Variants in CNTN4 observed in about 807,000 individuals in gnomAD.
CNTN4 encodes the protein contactin 4.
A neutral mutation model predicts 122.5 loss-of-function variants in CNTN4; 77 were observed. The observed-to-expected ratio is 0.63, with a 90% CI of 0.52 to 0.76. The LOEUF (loss-of-function observed/expected upper bound fraction) is 0.76. Among genes scored for constraint, CNTN4 ranks in the 30% least tolerant of loss-of-function variants. CNTN4 has a pLI of 0.00. For missense variants in CNTN4, 1,256 were observed against 1,259.1 expected, an observed-to-expected ratio of 1.00 and a Z score of 0.04; for synonymous variants, 512 against 447.0, an observed-to-expected ratio of 1.15 and a Z score of -1.83.
At chr3:2,497,966 C>G (rs1371578209) in intron 3 of CNTN4, among the ~76,000 whole-genome samples, 1 of 152,042 alleles carries the variant, frequency 6.6e-6, no homozygotes, top group African/African-American at 2.4e-5. Context: ...TACCTTTCCA[C>G]CCACCCATAA....
At chr3:2,568,387 G>C (rs189287540) in intron 3 of CNTN4, among the ~76,000 whole-genome samples, 1 of 148,826 alleles carries the variant, frequency 6.7e-6, no homozygotes, top group African/African-American at 2.5e-5. Flanking sequence ...GGCTCAATGA[G>C]AGAAAGCAAT....
At chr3:3,030,267 C>T (rs1291190070) in intron 15 of CNTN4, among the ~76,000 whole-genome samples, 1 of 152,176 alleles carries the variant, frequency 6.6e-6, no homozygotes, top group Admixed American at 6.6e-5. Context: ...TAGTCCCATT[C>T]TTCTGCTAAT....
At chr3:2,302,029 A>G (rs1397413649) in intron 2 of CNTN4, among the ~76,000 whole-genome samples, 1 of 152,212 alleles carries the variant, frequency 6.6e-6, no homozygotes, top group Non-Finnish European at 1.5e-5. Flanking sequence ...TTTGTGTACA[A>G]TTCTGTCTAA....
intron 3 of CNTN4, among the ~76,000 whole-genome samples, chr3:2,399,527 A>G (rs1299519445): frequency 6.6e-6 from 1 of 152,124 alleles, no homozygotes; most frequent in Non-Finnish European, 1.5e-5. Context: ...GTTACTAGTT[A>G]CATAAGTTCT....
At position 2,116,079 on chromosome 3, in the gene CNTN4, C is replaced by T. The variant is rs142989565; in HGVS notation, c.-145+15440C>T. 2.6e-5 allele frequency among the ~76,000 whole-genome samples: 4 copies of T among 152,174 alleles called. No homozygotes were observed. The East Asian group carries it at 7.7e-4, about 29-fold the overall frequency. On this transcript the variant is annotated intron_variant, in intron 2 of 24. Transcript: ENST00000418658. The stretch of plus-strand genomic sequence containing the variant: ...CCTGGCACTCATCATTGGGTTGGAC[C>T]CCAATCCTGATGATCTTCAAATCCT...
chr3:2,291,512 T>G (rs1463951412), intron 2 of CNTN4, among the ~76,000 whole-genome samples: 1 of 152,134 alleles, frequency 6.6e-6, no homozygotes, highest in African/African-American at 2.4e-5. Flanking sequence ...AATTTTTAAT[T>G]ATGATATTAT....
intron 3 of CNTN4, among the ~76,000 whole-genome samples, chr3:2,522,573 G>A (rs987960896): frequency 3.9e-5 from 6 of 151,978 alleles, no homozygotes; most frequent in Non-Finnish European, 7.4e-5. Flanking sequence ...AATAAGAAAC[G>A]CACTATTTCA....
intron 3 of CNTN4, among the ~76,000 whole-genome samples, chr3:2,476,163 C>T (rs894422047): frequency 7.2e-5 from 11 of 152,162 alleles, no homozygotes; most frequent in Non-Finnish European, 1.2e-4. Context: ...AGATATGCAG[C>T]AGCAACTTTA....
At chr3:2,707,650 G>GT (rs5846213) in intron 4 of CNTN4, among the ~76,000 whole-genome samples, 89,849 of 151,688 alleles carry the variant, frequency 0.59, 28,217 homozygotes, top group East Asian at 0.81. Flanking sequence ...TGTTTTATTT[G>GT]TTTTTTGTTT....
chr3:2,676,245 A>G (rs751796290), intron 4 of CNTN4, among the ~76,000 whole-genome samples: 4 of 151,790 alleles, frequency 2.6e-5, no homozygotes, highest in Non-Finnish European at 5.9e-5. Context: ...TGGGGGGCAC[A>G]GAGTCTTGCT....
intron 3 of CNTN4, among the ~76,000 whole-genome samples, chr3:2,442,914 A>G (rs948068155): frequency 4.6e-5 from 7 of 152,182 alleles, no homozygotes; most frequent in African/African-American, 1.7e-4. Context: ...CTAGAGGAGG[A>G]AAAAGCCTTT....
intron 10 of CNTN4, among the ~76,000 whole-genome samples, chr3:2,889,023 A>AAGGG (rs1212050313): frequency 6.6e-6 from 1 of 151,964 alleles, no homozygotes; most frequent in African/African-American, 2.4e-5. Flanking sequence ...AAATGGAAGG[A>AAGGG]AGGGAGGGAG....
chr3:2,575,960 A>G (rs769963138), intron 4 of CNTN4, among the ~76,000 whole-genome samples: 6 of 151,480 alleles, frequency 4.0e-5, no homozygotes, highest in Non-Finnish European at 5.9e-5. Flanking sequence ...TAAGTCTTCC[A>G]AGTAGCTGGG....
intron 6 of CNTN4, among the ~76,000 whole-genome samples, chr3:2,791,073 G>C (rs1186772630): frequency 6.6e-6 from 1 of 152,164 alleles, no homozygotes; most frequent in Non-Finnish European, 1.5e-5. Flanking sequence ...ACCAAGATTT[G>C]AGTCGGCAGA....
At chr3:2,399,500 A>G (rs1245329543) in intron 3 of CNTN4, among the ~76,000 whole-genome samples, 1 of 152,086 alleles carries the variant, frequency 6.6e-6, no homozygotes, top group Non-Finnish European at 1.5e-5. Flanking sequence ...AAAATAAGTT[A>G]TGCTAACTTA....
chr3:3,009,800 A>T (rs1157635627), intron 14 of CNTN4, among the ~76,000 whole-genome samples: 1 of 152,172 alleles, frequency 6.6e-6, no homozygotes, highest in African/African-American at 2.4e-5. Context: ...CTATTGACTC[A>T]CAGTTGTTGG....
chr3:2,413,341 CT>C (rs1409674476), intron 3 of CNTN4, among the ~76,000 whole-genome samples: 1 of 152,166 alleles, frequency 6.6e-6, no homozygotes, highest in Non-Finnish European at 1.5e-5. Flanking sequence ...CCAGATATTA[CT>C]GCTGTGAATA....
intron 3 of CNTN4, among the ~76,000 whole-genome samples, chr3:2,417,163 C>T (rs1185923755): frequency 6.6e-6 from 1 of 152,164 alleles, no homozygotes; most frequent in Non-Finnish European, 1.5e-5. Context: ...AGCTTACTTC[C>T]ATTTCTCCAC....
At chr3:2,393,774 T>A (rs114159626) in intron 3 of CNTN4, among the ~76,000 whole-genome samples, 5,118 of 152,086 alleles carry the variant, frequency 0.034, 291 homozygotes, top group African/African-American at 0.12. Context: ...AAAGAATCAT[T>A]GTAAGTCCAC....
Sources: gnomAD v4.1 joint callset for allele counts (sites outside exome capture counted in the v4.1 genomes callset) on GRCh38, gnomAD v4.1.1 for gene constraint, MANE v1.5 for transcripts, NCBI Gene and HGNC (gene_info 2026-07-23, HGNC 2026-07-21) for gene names.